CCDC91: variants seen among roughly 807,000 people sequenced by gnomAD.
CCDC91 encodes the protein coiled-coil domain-containing protein 91.
CCDC91 carries 48 observed loss-of-function variants against 63.2 expected under a neutral mutation model. The observed-to-expected ratio is 0.76, with a 90% CI of 0.60 to 0.97. CCDC91 has a LOEUF of 0.97. Ranked by LOEUF, CCDC91 falls within the 50% of genes least tolerant of loss-of-function variation. The probability of loss-of-function intolerance (pLI) is 0.00; values close to 1 mark genes in which losing one functional copy is unlikely to be tolerated. For synonymous variants in CCDC91, 167 were observed against 165.8 expected, an observed-to-expected ratio of 1.01 and a Z score of -0.06; for missense variants, 500 against 494.6, an observed-to-expected ratio of 1.01 and a Z score of -0.10.
At chr12:28,201,508 A>G (rs1591965920) in intron 1 of CCDC91, among the ~76,000 whole-genome samples, 2 of 111,586 alleles carry the variant, frequency 1.8e-5, no homozygotes, top group Non-Finnish European at 3.8e-5. Flanking sequence ...CCTAGATGGG[A>G]TGGCGGCCGG....
At chr12:28,249,664 A>G (rs1411202426) in intron 1 of CCDC91, among the ~76,000 whole-genome samples, 2 of 152,120 alleles carry the variant, frequency 1.3e-5, no homozygotes, top group African/African-American at 4.8e-5. Context: ...TAAATTTTAT[A>G]ATTAATCTTA....
chr12:28,447,586 T>G (rs928425358), intron 8 of CCDC91, among the ~76,000 whole-genome samples: 1 of 149,982 alleles, frequency 6.7e-6, no homozygotes, highest in African/African-American at 2.5e-5. Context: ...GCACGGCGGC[T>G]CATCCTGTAA....
rs1471302857 is a variant in CCDC91 at position 28,373,495 on chromosome 12, T to A, written c.654+10980T>A. Among the ~76,000 whole-genome samples, 4 of 152,214 alleles carry A rather than the reference T, an allele frequency of 2.6e-5. No homozygotes were observed. In the East Asian group the frequency reaches 5.8e-4, roughly 22 times the overall value. On this transcript the variant is annotated intron_variant, in intron 7 of 12. Transcript: ENST00000536442. ...TCACATGATTTTTAGGTGTAGTCAT[T>A]TTTGTTTGTTATTTATCCTTTCTCT...
At chr12:28,548,247 T>C (rs1943119381) in intron 12 of CCDC91, among the ~76,000 whole-genome samples, 1 of 152,086 alleles carries the variant, frequency 6.6e-6, no homozygotes, top group Admixed American at 6.6e-5. Context: ...CAAAAAAAGT[T>C]TCAACAGTAT....
At chr12:28,274,770 A>T (rs1350965724) in intron 3 of CCDC91, among the ~76,000 whole-genome samples, 2 of 152,120 alleles carry the variant, frequency 1.3e-5, no homozygotes, top group African/African-American at 4.8e-5. Context: ...GTAGGTATAC[A>T]ATCATGTCAT....
At chr12:28,347,962 G>A (rs911774907) in intron 6 of CCDC91, among the ~76,000 whole-genome samples, 11 of 152,338 alleles carry the variant, frequency 7.2e-5, no homozygotes, top group Admixed American at 7.2e-4. Context: ...GTGAAGGCAT[G>A]TAAGCCAACC....
intron 7 of CCDC91, among the ~76,000 whole-genome samples, chr12:28,390,870 G>A (rs972913353): frequency 6.6e-5 from 10 of 151,852 alleles, no homozygotes; most frequent in Non-Finnish European, 7.4e-5. Context: ...ACAGTGTGCC[G>A]AGAGGATGTG....
rs1253227522 is a variant in CCDC91 at position 28,537,475 on chromosome 12, T to TA, written c.1216-11583dup. 3.9e-5 allele frequency among the ~76,000 whole-genome samples: 6 copies of TA among 152,330 alleles called. No homozygotes were observed. In the East Asian group the frequency reaches 1.2e-3, roughly 29 times the overall value. ...TTCTCAACTTCTCAAGCTGATCATG[T>TA]AAAAACTAAAGTTTTGTTTTTGTTG... On this transcript the variant is annotated intron_variant, in intron 12 of 12. Transcript: ENST00000536442.
intron 6 of CCDC91, among the ~76,000 whole-genome samples, chr12:28,315,356 C>A (rs552323938): frequency 6.6e-6 from 1 of 151,492 alleles, no homozygotes; most frequent in Non-Finnish European, 1.5e-5. Flanking sequence ...AGTAGAGATG[C>A]GGTCTCACCA....
intron 11 of CCDC91, among the ~76,000 whole-genome samples, chr12:28,477,052 G>A (rs1951137962): frequency 6.6e-6 from 1 of 152,116 alleles, no homozygotes; most frequent in Non-Finnish European, 1.5e-5. Context: ...GTACAAGGAG[G>A]AGCTGGTACC....
intron 1 of CCDC91, among the ~76,000 whole-genome samples, chr12:28,220,268 T>C (rs1450636179): frequency 6.6e-6 from 1 of 151,908 alleles, no homozygotes; most frequent in Non-Finnish European, 1.5e-5. Flanking sequence ...TCTTTGCTAA[T>C]TAATTAATTA....
chr12:28,224,325 T>G (rs1449854474), intron 1 of CCDC91, among the ~76,000 whole-genome samples: 2 of 152,152 alleles, frequency 1.3e-5, no homozygotes, highest in Admixed American at 6.6e-5. Flanking sequence ...CATCAACCTA[T>G]TTTTGGAAAT....
chr12:28,208,604 G>T (rs1428723898), intron 1 of CCDC91, among the ~76,000 whole-genome samples: 8 of 152,044 alleles, frequency 5.3e-5, no homozygotes. Flanking sequence ...TATTTTAAAG[G>T]TTTAAAATAC....
At chr12:28,491,239 T>A (rs977379629) in intron 12 of CCDC91, among the ~76,000 whole-genome samples, 1 of 151,710 alleles carries the variant, frequency 6.6e-6, no homozygotes, top group Non-Finnish European at 1.5e-5. Flanking sequence ...ATTACTATAA[T>A]GACAACTAAC....
chr12:28,475,628 G>A (rs904931314), intron 11 of CCDC91, among the ~76,000 whole-genome samples: 1 of 151,756 alleles, frequency 6.6e-6, no homozygotes, highest in African/African-American at 2.4e-5. Flanking sequence ...CCACATTTTG[G>A]CCCCCATTTT....
chr12:28,523,510 G>A (rs1287203879), intron 12 of CCDC91, among the ~76,000 whole-genome samples: 1 of 151,974 alleles, frequency 6.6e-6, no homozygotes, highest in African/African-American at 2.4e-5. Context: ...CACACTGATG[G>A]GTCTTGACTC....
chr12:28,413,119 T>C (rs1469334176), intron 8 of CCDC91, among the ~76,000 whole-genome samples: 2 of 152,216 alleles, frequency 1.3e-5, no homozygotes, highest in African/African-American at 2.4e-5. Flanking sequence ...AAATCGACTG[T>C]TCTTTGTTAA....
chr12:28,409,878 C>T (rs1947210702), intron 8 of CCDC91, among the ~76,000 whole-genome samples: 1 of 151,740 alleles, frequency 6.6e-6, no homozygotes, highest in Non-Finnish European at 1.5e-5. Flanking sequence ...TATTTCTAAT[C>T]TCATTCTGGT....
At chr12:28,508,665 T>C (rs1013535677) in intron 12 of CCDC91, among the ~76,000 whole-genome samples, 2 of 151,888 alleles carry the variant, frequency 1.3e-5, no homozygotes, top group Non-Finnish European at 2.9e-5. Context: ...CAGTAGTAGC[T>C]AAAAGTGTAA....
Sources: gnomAD v4.1 joint callset for allele counts (sites outside exome capture counted in the v4.1 genomes callset) on GRCh38, gnomAD v4.1.1 for gene constraint, MANE v1.5 for transcripts, NCBI Gene and HGNC (gene_info 2026-07-23, HGNC 2026-07-21) for gene names.